The following PIWIL2 variants were observed in gnomAD, a reference collection of about 807,000 sequenced individuals.
PIWIL2 encodes piwi like RNA-mediated gene silencing 2, also known as piwi-like protein 2.
PIWIL2 carries 81 observed loss-of-function variants against 116.5 expected under a neutral mutation model. That is an observed-to-expected ratio of 0.70 (90% CI 0.58 to 0.84). The LOEUF is 0.84. PIWIL2 is among the 40% of genes least tolerant of loss of function. The probability of loss-of-function intolerance (pLI) is 0.00; values close to 1 mark genes in which losing one functional copy is unlikely to be tolerated. For missense variants in PIWIL2, 1,272 were observed against 1,212.3 expected (o/e 1.05, Z -0.73); for synonymous variants, 489 against 429.5 (o/e 1.14, Z -1.71).
intron 16 of PIWIL2, 98 bp downstream of exon 16, chr8:22,311,398 T>C: frequency 1.0e-6 from 1 of 969,666 alleles, no homozygotes; most frequent in Non-Finnish European, 1.6e-6. Flanking sequence ...CTGTTGATGA[T>C]GCCCTAGAAC....
intron 10 of PIWIL2, among the ~76,000 whole-genome samples, chr8:22,300,608 A>G (rs1023158195): frequency 6.6e-6 from 1 of 152,242 alleles, no homozygotes; most frequent in African/African-American, 2.4e-5. Context: ...ACTGTTTTAC[A>G]TTCCCACTAG....
At position 22,302,331 on chromosome 8, in the gene PIWIL2, A is replaced by G. The variant is rs909539213; in HGVS notation, c.1182-1690A>G. On this transcript the variant is annotated intron_variant, in intron 10 of 22. Coordinates refer to ENST00000356766, the MANE Select transcript of PIWIL2 (RefSeq NM_018068.5). ...TGAGTAGCTGGGACTACAGGCGCGC[A>G]CCCCCACGCCCAGTTAATTTTTGTA... Among the ~76,000 whole-genome samples the G allele has an allele frequency of 8.6e-5, 13 of 151,482 alleles. No individual in the cohort carries two copies. The East Asian group carries it at 2.5e-3, about 29-fold the overall frequency.
At chr8:22,310,466 G>A (rs900034892) in intron 15 of PIWIL2, among the ~76,000 whole-genome samples, 2 of 152,022 alleles carry the variant, frequency 1.3e-5, no homozygotes, top group Non-Finnish European at 2.9e-5. Flanking sequence ...TTTGTATCAA[G>A]GTACAAAATG....
At position 22,314,478 on chromosome 8, in the gene PIWIL2, C is replaced by T. The variant is rs565304789; in HGVS notation, c.2091+49C>T. ...GCGCAGATGGCACCTCTCGCCTCCC[C>T]GAGGCTTGAGAAGAGGGATATGTGT... On this transcript the variant is annotated intron_variant, in intron 17 of 22. Coordinates refer to ENST00000356766, the MANE Select transcript of PIWIL2 (RefSeq NM_018068.5). The T allele has an allele frequency of 1.1e-5, 10 of 945,554 alleles. No individual in the cohort carries two copies. The South Asian group carries it at 1.1e-4, about 11-fold the overall frequency. 58.6% of individuals were successfully genotyped at this position (945,554 alleles called of 1,614,324 possible). A position where few individuals can be genotyped will look rare whatever the true frequency, so the allele number is the denominator to read the frequency against.
chr8:22,304,627 C>T (rs936588169), intron 11 of PIWIL2, among the ~76,000 whole-genome samples, 157 bp from the exon 12 acceptor site: 17 of 152,068 alleles, frequency 1.1e-4, no homozygotes, highest in Non-Finnish European at 1.5e-5. Context: ...CCTGCTTTTT[C>T]CTGTTATAAA....
intron 10 of PIWIL2, 117 bp downstream of exon 10, chr8:22,290,463 A>C: frequency 1.6e-6 from 1 of 624,852 alleles, no homozygotes. Flanking sequence ...TCCCCCAGAG[A>C]CAGGGTCTTG....
At chr8:22,295,312 T>A (rs1308393733) in intron 10 of PIWIL2, among the ~76,000 whole-genome samples, 1 of 149,720 alleles carries the variant, frequency 6.7e-6, no homozygotes, top group Non-Finnish European at 1.5e-5. Flanking sequence ...TAACTGGGGC[T>A]ACAGGCTTGT....
chr8:22,281,535 C>G lies in PIWIL2; in HGVS notation c.425+20C>G. ...GAGTAGGTGGGTAAAGTTACCCTCT[C>G]AGGTAACTATCAAATTCAGATGGAA... On this transcript the variant is annotated intron_variant, in intron 4 of 22. Coordinates refer to ENST00000356766, the MANE Select transcript of PIWIL2 (RefSeq NM_018068.5). The G allele has an allele frequency of 6.5e-7, 1 of 1,537,882 alleles. No homozygotes were observed. The highest frequency in any genetic ancestry group is 8.7e-7 in the Non-Finnish European group (1 of 1,147,022).
rs779580930 is a variant in PIWIL2, at chr8:22,288,662, C to G, written c.982C>G (p.Arg328Gly). Residue 328 changes from arginine to glycine, a missense_variant, in exon 8 of 23, where the codon CGT becomes GGT. Physicochemically the swap from Arg to Gly is moderately radical, Grantham distance 125 (BLOSUM62 -2). Coordinates refer to ENST00000356766, the MANE Select transcript of PIWIL2 (RefSeq NM_018068.5). ...LCIPFYNVVFRRVMKLLDMKL... is the reference protein window; with the variant it reads ...LCIPFYNVVFGRVMKLLDMKL... ...CATTCCCTTCTACAATGTTGTTTTC[C>G]GTCGGTAAGAAAACAGCTGAAGTTC... The G allele has an allele frequency of 6.2e-7, 1 of 1,606,404 alleles. No homozygotes were observed. Among genetic ancestry groups the G allele is most frequent in the South Asian group, 1.1e-5 (1 of 89,904 alleles).
intron 13 of PIWIL2, among the ~76,000 whole-genome samples, 157 bp downstream of exon 13, chr8:22,306,173 T>G (rs1409070043): frequency 6.6e-6 from 1 of 152,186 alleles, no homozygotes; most frequent in Non-Finnish European, 1.5e-5. Flanking sequence ...TTCTCCTCTG[T>G]AAAACATGAT....
chr8:22,349,417 GTGTATA>G, intron 20 of PIWIL2, among the ~76,000 whole-genome samples: 1 of 134,602 alleles, frequency 7.4e-6, no homozygotes, highest in South Asian at 2.6e-4. Flanking sequence ...ATATGTGTGT[GTGTATA>G]TATATATATA....
At position 22,279,719 on chromosome 8, in the gene PIWIL2, G is replaced by T. The variant is rs906636208; in HGVS notation, c.198+135G>T. 2.2e-5 allele frequency: 16 copies of T among 734,678 alleles called. No individual in the cohort carries two copies. In the African/African-American group the frequency reaches 2.8e-4, roughly 13 times the overall value. The allele number at this position is 734,678 out of a possible 1,614,324, so 45.5% of individuals were successfully genotyped here. ...TGTAATCCCAGCACTTTGGGAGGCC[G>T]AGGCAGGTGGATCATCTGAGGTCGG... On this transcript the variant is annotated intron_variant, in intron 2 of 22. Coordinates refer to ENST00000356766, the MANE Select transcript of PIWIL2 (RefSeq NM_018068.5).
chr8:22,284,121 G>T (rs1388662289), intron 5 of PIWIL2, 41 bp from the exon 6 acceptor site: 1 of 1,090,364 alleles, frequency 9.2e-7, no homozygotes, highest in Non-Finnish European at 1.3e-6. Flanking sequence ...TTGTTTTTTT[G>T]TTTTTGATAT....
At chr8:22,325,834 A>G (rs1831712414) in intron 20 of PIWIL2, among the ~76,000 whole-genome samples, 1 of 152,150 alleles carries the variant, frequency 6.6e-6, no homozygotes, top group Non-Finnish European at 1.5e-5. Context: ...ACCAGCAGGT[A>G]TGCAAAATCC....
chr8:22,334,068 G>A (rs1831923916), intron 20 of PIWIL2, among the ~76,000 whole-genome samples: 1 of 151,550 alleles, frequency 6.6e-6, no homozygotes, highest in Non-Finnish European at 1.5e-5. Flanking sequence ...CCGCCTTGTG[G>A]GTTCAAGCAA....
intron 20 of PIWIL2, among the ~76,000 whole-genome samples, chr8:22,352,415 C>T (rs1832393956): frequency 6.6e-6 from 1 of 152,002 alleles, no homozygotes; most frequent in African/African-American, 2.4e-5. Flanking sequence ...AAATGTTTTA[C>T]TGTATGTTTA....
chr8:22,333,486 C>T (rs1186388908), intron 20 of PIWIL2, among the ~76,000 whole-genome samples: 3 of 152,028 alleles, frequency 2.0e-5, no homozygotes, highest in Non-Finnish European at 2.9e-5. Context: ...GTGGCACATG[C>T]CTGTAATCCT....
At chr8:22,314,670 G>T (rs760252905) in intron 17 of PIWIL2, among the ~76,000 whole-genome samples, 13 of 152,140 alleles carry the variant, frequency 8.5e-5, no homozygotes, top group Non-Finnish European at 1.8e-4. Flanking sequence ...TCACCAGGTG[G>T]TTTCATGTGA....
Position 22,314,321 on chromosome 8 carries a change from C to T in PIWIL2, c.1990-7C>T. ...AGCCTGACTTGTATATACCTTATCT[C>T]CTCAAGGGGAAGATACAGATGGTTG... On this transcript the variant is annotated splice_polypyrimidine_tract_variant and splice_region_variant and intron_variant, in intron 16 of 22. Transcript: ENST00000356766. 2.7e-6 allele frequency: 4 copies of T among 1,498,306 alleles called. No homozygotes were observed. The highest frequency in any genetic ancestry group is 1.3e-5 in the South Asian group (1 of 76,540). 92.8% of individuals were successfully genotyped at this position (1,498,306 alleles called of 1,614,324 possible).
Sources: gnomAD v4.1 joint callset for allele counts (sites outside exome capture counted in the v4.1 genomes callset) on GRCh38, gnomAD v4.1.1 for gene constraint, MANE v1.5 for transcripts, NCBI Gene and HGNC (gene_info 2026-07-23, HGNC 2026-07-21) for gene names.